Variants in DYSF observed in about 807,000 individuals in gnomAD.
DYSF encodes dystrophy-associated fer-1-like 1.
DYSF carries 212 observed loss-of-function variants against 274.9 expected under a neutral mutation model. That is an observed-to-expected ratio of 0.77 (90% CI 0.69 to 0.86). The LOEUF is 0.86. Ranked by LOEUF, DYSF falls within the 40% of genes least tolerant of loss-of-function variation. DYSF has a pLI of 0.00. For synonymous variants in DYSF, 1,091 were observed against 1,078.7 expected (o/e 1.01, Z -0.22); for missense variants, 2,666 against 2,783.2 (o/e 0.96, Z 0.95).
chr2:71,551,006 G>A (rs770455228), intron 17 of DYSF, 35 bp from the exon 18 acceptor site: 1 of 1,601,262 alleles, frequency 6.2e-7, no homozygotes, highest in South Asian at 1.1e-5. Context: ...AGCCCCACTG[G>A]GCCGACCCCT....
intron 42 of DYSF, among the ~76,000 whole-genome samples, chr2:71,652,613 A>G (rs114179949): frequency 0.019 from 2,895 of 152,350 alleles, 68 homozygotes; most frequent in African/African-American, 0.058. Context: ...TACTATAAAG[A>G]TAACAATTCC....
intron 17 of DYSF, among the ~76,000 whole-genome samples, chr2:71,544,844 C>T (rs1303457132): frequency 6.6e-6 from 1 of 152,198 alleles, no homozygotes; most frequent in East Asian, 1.9e-4. Flanking sequence ...GTTTTTCATT[C>T]ACTTCATTCT....
intron 55 of DYSF, among the ~76,000 whole-genome samples, chr2:71,683,737 C>G (rs750370256): frequency 3.3e-5 from 5 of 152,222 alleles, no homozygotes; most frequent in Non-Finnish European, 7.3e-5. Flanking sequence ...GGCCACTGGC[C>G]CAGAGCATTG....
intron 40 of DYSF, among the ~76,000 whole-genome samples, chr2:71,618,600 AGGTGGTGGGTGT>A (rs1558641353): frequency 2.1e-5 from 1 of 47,394 alleles, no homozygotes. Flanking sequence ...TGTGTGGTAG[AGGTGGTGGGTGT>A]GGTAGAGGTG....
intron 23 of DYSF, among the ~76,000 whole-genome samples, chr2:71,562,627 T>G (rs2091849352): frequency 6.6e-6 from 1 of 152,196 alleles, no homozygotes; most frequent in Non-Finnish European, 1.5e-5. Context: ...CTGCCTGCTC[T>G]GACCAGAGCC....
intron 4 of DYSF, among the ~76,000 whole-genome samples, chr2:71,505,753 G>A (rs1350080796): frequency 2.0e-5 from 3 of 152,208 alleles, no homozygotes; most frequent in Admixed American, 2.0e-4. Context: ...CCTCTCAGAT[G>A]TATTTTAAGA....
intron 17 of DYSF, among the ~76,000 whole-genome samples, chr2:71,549,681 G>A (rs2090784928): frequency 6.6e-6 from 1 of 152,048 alleles, no homozygotes; most frequent in Non-Finnish European, 1.5e-5. Context: ...CTGGTAGTGA[G>A]GGGTAGGGGC....
chr2:71,670,175 G>C (rs996466144), intron 51 of DYSF, among the ~76,000 whole-genome samples: 2 of 151,906 alleles, frequency 1.3e-5, no homozygotes, highest in Non-Finnish European at 2.9e-5. Context: ...CCCATCCCCA[G>C]CCCTGCCGCC....
intron 1 of DYSF, among the ~76,000 whole-genome samples, chr2:71,476,528 T>C (rs56258305): frequency 0.093 from 13,931 of 149,164 alleles, 992 homozygotes; most frequent in African/African-American, 0.2. Flanking sequence ...ATGACTGGAG[T>C]GAGACTCCAT....
At chr2:71,571,436 AGAT>A in intron 29 of DYSF, among the ~76,000 whole-genome samples, 1 of 100,866 alleles carries the variant, frequency 9.9e-6, no homozygotes, top group Non-Finnish European at 2.3e-5. Flanking sequence ...CAGCACACAC[AGAT>A]CACACCCAGC....
chr2:71,535,383 G>T (rs751643434), intron 16 of DYSF, 72 bp downstream of exon 16: 5 of 1,433,074 alleles, frequency 3.5e-6, no homozygotes, highest in Non-Finnish European at 4.9e-6. Flanking sequence ...GTTTCATTCG[G>T]CTCAGTGACT....
chr2:71,520,988 A>AT (rs1249994887), intron 12 of DYSF, 84 bp downstream of exon 12: 2,629 of 1,099,682 alleles, frequency 2.4e-3, no homozygotes, highest in East Asian at 2.8e-3. Context: ...CAAAAACTCT[A>AT]TTTTTTTTTC....
At chr2:71,534,883 C>T (rs1034617421) in intron 14 of DYSF, 138 bp from the exon 15 acceptor site, 1 of 827,154 alleles carries the variant, frequency 1.2e-6, no homozygotes, top group Admixed American at 2.0e-5. Context: ...CTGCACTAGG[C>T]CCCAACCCCA....
At chr2:71,667,867 G>A (rs1186689328) in intron 48 of DYSF, among the ~76,000 whole-genome samples, 1 of 152,202 alleles carries the variant, frequency 6.6e-6, no homozygotes, top group Admixed American at 6.5e-5. Context: ...CAGTGACTCA[G>A]TCTCAGATGC....
chr2:71,541,277 A>G (rs1257458316), intron 17 of DYSF, among the ~76,000 whole-genome samples: 6 of 152,232 alleles, frequency 3.9e-5, no homozygotes, highest in Non-Finnish European at 8.8e-5. Context: ...TTGAGTGGGT[A>G]TAGTAATAGC....
At chr2:71,488,742 C>T (rs1243811976) in intron 3 of DYSF, among the ~76,000 whole-genome samples, 1 of 152,130 alleles carries the variant, frequency 6.6e-6, no homozygotes, top group Non-Finnish European at 1.5e-5. Context: ...TAGGTGTTCA[C>T]AGTGGCATTT....
chr2:71,535,222 T>C, intron 15 of DYSF, 46 bp from the exon 16 acceptor site: 1 of 1,607,906 alleles, frequency 6.2e-7, no homozygotes, highest in Non-Finnish European at 8.5e-7. Context: ...GGCTGTTCTA[T>C]CTTCAAAAGG....
chr2:71,590,225 C>T lies in DYSF; in HGVS notation c.3511C>T (p.His1171Tyr), dbSNP rs1359390460. 1 of 1,614,048 alleles carries T rather than the reference C, an allele frequency of 6.2e-7. No individual in the cohort carries two copies. Among genetic ancestry groups the T allele is most frequent in the East Asian group, 2.2e-5 (1 of 44,874 alleles). ...CCTTGGTGAAGATGGGAACCGCTAC[C>T]ATCTACGCTGCTACATGTACCAGGC... ...SCIFDYGNRYHLRCYMYQARD... is the reference protein window; with the variant it reads ...SCIFDYGNRYYLRCYMYQARD... The change falls in exon 32 of 56, where the codon CAT becomes TAT. Residue 1171 changes from histidine to tyrosine, a missense_variant. Physicochemically the swap from His to Tyr is moderately conservative, Grantham distance 83 (BLOSUM62 2). Transcript: ENST00000410020.
At chr2:71,623,693 AG>A (rs1417068235) in intron 41 of DYSF, among the ~76,000 whole-genome samples, 1 of 152,128 alleles carries the variant, frequency 6.6e-6, no homozygotes, top group Non-Finnish European at 1.5e-5. Flanking sequence ...AAAAAATCTG[AG>A]TGTAGAGTCC....
Sources: allele counts gnomAD v4.1 joint callset (sites outside exome capture counted in the v4.1 genomes callset), GRCh38; gene constraint gnomAD v4.1.1; transcripts MANE v1.5; gene names NCBI Gene and HGNC (gene_info 2026-07-23, HGNC 2026-07-21).